Variants in PDGFD observed in about 807,000 individuals in gnomAD.
PDGFD encodes the protein platelet-derived growth factor D.
PDGFD carries 30 observed loss-of-function variants against 44.7 expected under a neutral mutation model. The ratio of observed to expected loss-of-function variants is 0.67; its 90% CI spans 0.50 to 0.91. The LOEUF is 0.91. PDGFD is among the 40% of genes least tolerant of loss of function. The probability of loss-of-function intolerance (pLI) is 0.00; values close to 1 mark genes in which losing one functional copy is unlikely to be tolerated. For missense variants in PDGFD, 445 were observed against 457.8 expected (o/e 0.97, Z 0.25); for synonymous variants, 173 against 168.4 (o/e 1.03, Z -0.21).
intron 1 of PDGFD, among the ~76,000 whole-genome samples, chr11:104,161,315 G>A (rs10895596): frequency 0.29 from 44,593 of 151,936 alleles, 6,541 homozygotes; most frequent in Middle Eastern, 0.37. Flanking sequence ...GTCTTAATCT[G>A]ATAGTCAAAT....
chr11:104,146,535 C>G (rs1020755942), intron 1 of PDGFD, among the ~76,000 whole-genome samples: 3 of 152,100 alleles, frequency 2.0e-5, no homozygotes, highest in Admixed American at 1.3e-4. Flanking sequence ...AGGGAATGAT[C>G]CAGATTTTTG....
chr11:104,149,282 T>C lies in PDGFD; in HGVS notation c.124+14522A>G, dbSNP rs532433539. Among the ~76,000 whole-genome samples, 23 of 152,300 alleles carry C rather than the reference T, an allele frequency of 1.5e-4. No homozygotes were observed. The South Asian group carries it at 4.8e-3, about 32-fold the overall frequency. ...ATGTATAGAGAAACCAACTTTATTA[T>C]AGGTTAGTTGGTATAAACAAGAATT... On this transcript the variant is annotated intron_variant, in intron 1 of 6. Transcript: ENST00000393158.
intron 1 of PDGFD, among the ~76,000 whole-genome samples, chr11:104,084,058 G>T (rs1005010561): frequency 6.6e-6 from 1 of 152,158 alleles, no homozygotes; most frequent in African/African-American, 2.4e-5. Context: ...GTGATGTTGA[G>T]GAACAATATG....
intron 1 of PDGFD, among the ~76,000 whole-genome samples, chr11:104,160,808 T>C (rs1291912753): frequency 6.6e-6 from 1 of 152,266 alleles, no homozygotes; most frequent in African/African-American, 2.4e-5. Flanking sequence ...GAATACCCTA[T>C]GATGGAGAGT....
At chr11:103,949,796 G>A (rs1858721685) in intron 3 of PDGFD, among the ~76,000 whole-genome samples, 1 of 152,294 alleles carries the variant, frequency 6.6e-6, no homozygotes, top group Non-Finnish European at 1.5e-5. Context: ...GTAATAGGTG[G>A]TTGTACCTGG....
intron 4 of PDGFD, among the ~76,000 whole-genome samples, chr11:103,946,228 T>TCCA (rs1221506083): frequency 6.6e-6 from 1 of 152,046 alleles, no homozygotes; most frequent in East Asian, 1.9e-4. Context: ...CAATGGTAGG[T>TCCA]CCAATGACCC....
chr11:104,142,208 TA>T (rs1421530891), intron 1 of PDGFD, among the ~76,000 whole-genome samples: 1 of 152,148 alleles, frequency 6.6e-6, no homozygotes, highest in Non-Finnish European at 1.5e-5. Context: ...TGTTAAATAT[TA>T]TCATGAATCT....
At chr11:103,981,013 C>T (rs1293541167) in intron 3 of PDGFD, among the ~76,000 whole-genome samples, 1 of 151,968 alleles carries the variant, frequency 6.6e-6, no homozygotes, top group Non-Finnish European at 1.5e-5. Context: ...TTCTAACCCT[C>T]TGCTATGTTT....
intron 1 of PDGFD, among the ~76,000 whole-genome samples, chr11:104,148,503 T>C (rs1862196001): frequency 6.6e-6 from 1 of 152,100 alleles, no homozygotes; most frequent in South Asian, 2.1e-4. Flanking sequence ...TTTAGTATTA[T>C]AAAAATTTAA....
chr11:103,988,996 A>G (rs1243717545), intron 3 of PDGFD, among the ~76,000 whole-genome samples: 1 of 152,104 alleles, frequency 6.6e-6, no homozygotes, highest in African/African-American at 2.4e-5. Flanking sequence ...AAAGTAATCA[A>G]AAAAGGTTAG....
rs75277266 is a variant in PDGFD at position 103,909,614 on chromosome 11, T to C, written c.*80A>G. The C allele has an allele frequency of 3.1e-5, 48 of 1,554,844 alleles. No homozygotes were observed. Among genetic ancestry groups the C allele is most frequent in the Non-Finnish European group, 4.1e-5 (47 of 1,133,154 alleles). Reference sequence around the variant, plus strand: ...GCAGGCTAGTAGTAAGTTTGGTTGCTGGTAGGAAAAGGGTCTCTTATCTCA... The same window carrying C: ...GCAGGCTAGTAGTAAGTTTGGTTGCCGGTAGGAAAAGGGTCTCTTATCTCA... On this transcript the variant is annotated 3_prime_UTR_variant, in exon 7 of 7. Transcript: ENST00000393158.
chr11:104,063,397 G>T (rs1281423694), intron 1 of PDGFD, among the ~76,000 whole-genome samples: 1 of 151,774 alleles, frequency 6.6e-6, no homozygotes, highest in Non-Finnish European at 1.5e-5. Flanking sequence ...TCTGGGTTCT[G>T]CAATAATTAG....
At chr11:104,080,407 A>G (rs1861028512) in intron 1 of PDGFD, among the ~76,000 whole-genome samples, 1 of 152,212 alleles carries the variant, frequency 6.6e-6, no homozygotes, top group Non-Finnish European at 1.5e-5. Context: ...TAAATATCAT[A>G]TGATTCTTTC....
intron 6 of PDGFD, among the ~76,000 whole-genome samples, chr11:103,916,793 T>C (rs1399585314): frequency 6.6e-6 from 1 of 152,156 alleles, no homozygotes; most frequent in Non-Finnish European, 1.5e-5. Context: ...TGCAGAGATA[T>C]GGATGAAGCT....
chr11:104,035,952 T>C (rs1443989012), intron 1 of PDGFD, among the ~76,000 whole-genome samples: 1 of 152,188 alleles, frequency 6.6e-6, no homozygotes, highest in Non-Finnish European at 1.5e-5. Flanking sequence ...GTATTGTGAT[T>C]ACCCATTCAC....
chr11:104,005,890 T>G (rs1317985017), intron 1 of PDGFD, among the ~76,000 whole-genome samples: 3 of 152,254 alleles, frequency 2.0e-5, no homozygotes, highest in African/African-American at 7.2e-5. Flanking sequence ...TTTTTATGTA[T>G]GTTTATATAA....
intron 6 of PDGFD, among the ~76,000 whole-genome samples, chr11:103,922,188 A>C (rs1204677601): frequency 6.6e-6 from 1 of 152,206 alleles, no homozygotes; most frequent in Non-Finnish European, 1.5e-5. Context: ...TTAATAGGTC[A>C]CTATACTTTT....
intron 3 of PDGFD, among the ~76,000 whole-genome samples, chr11:103,990,369 T>A (rs2134358592): frequency 6.6e-6 from 1 of 152,356 alleles, no homozygotes; most frequent in South Asian, 2.1e-4. Flanking sequence ...AAATTTTACA[T>A]CCACAGATCA....
intron 3 of PDGFD, among the ~76,000 whole-genome samples, chr11:103,969,380 T>G (rs1859067682): frequency 6.6e-6 from 1 of 151,998 alleles, no homozygotes; most frequent in Non-Finnish European, 1.5e-5. Context: ...TTTCTATTCT[T>G]ATACATTTCT....
Sources: gnomAD v4.1 joint callset for allele counts (sites outside exome capture counted in the v4.1 genomes callset) on GRCh38, gnomAD v4.1.1 for gene constraint, MANE v1.5 for transcripts, NCBI Gene and HGNC (gene_info 2026-07-23, HGNC 2026-07-21) for gene names.